The following TSNAX variants were observed in gnomAD, a reference collection of about 807,000 sequenced individuals.
TSNAX encodes translin associated factor X.
In TSNAX, 12 loss-of-function variants were observed where a neutral mutation model predicts 33.0. That is an observed-to-expected ratio of 0.36 (90% CI 0.23 to 0.59). The LOEUF (loss-of-function observed/expected upper bound fraction) is 0.59, where lower values mean the gene tolerates loss of function less well. TSNAX is among the 20% of genes least tolerant of loss of function. TSNAX has a pLI of 0.74. For synonymous variants in TSNAX, 110 were observed against 117.2 expected, an observed-to-expected ratio of 0.94 and a Z score of 0.40; for missense variants, 267 against 341.3, an observed-to-expected ratio of 0.78 and a Z score of 1.72.
At chr1:231,540,547 G>A (rs1409544512) in intron 3 of TSNAX, among the ~76,000 whole-genome samples, 2 of 152,182 alleles carry the variant, frequency 1.3e-5, no homozygotes, top group South Asian at 2.1e-4. Flanking sequence ...AATTTATGGA[G>A]CCTTAATTTT....
At chr1:231,532,459 C>G (rs1157743617) in intron 2 of TSNAX, among the ~76,000 whole-genome samples, 1 of 151,946 alleles carries the variant, frequency 6.6e-6, no homozygotes, top group Non-Finnish European at 1.5e-5. Context: ...TCCCAAAGTG[C>G]TGGGGTTACA....
intron 4 of TSNAX, among the ~76,000 whole-genome samples, chr1:231,545,658 T>C (rs1572121881): frequency 6.6e-6 from 1 of 152,160 alleles, no homozygotes; most frequent in Non-Finnish European, 1.5e-5. Context: ...TCACTGATAA[T>C]GATAAGAATT....
chr1:231,538,478 T>G (rs1659339285), intron 3 of TSNAX, among the ~76,000 whole-genome samples: 1 of 152,222 alleles, frequency 6.6e-6, no homozygotes, highest in African/African-American at 2.4e-5. Flanking sequence ...CTTTGTTTGC[T>G]TCATAATTCA....
chr1:231,559,910 T>TA (rs11369188), intron 4 of TSNAX, among the ~76,000 whole-genome samples: 1,980 of 151,718 alleles, frequency 0.013, 37 homozygotes, highest in African/African-American at 0.045. Flanking sequence ...TTTTGACACT[T>TA]ACCTACATTA....
intron 3 of TSNAX, among the ~76,000 whole-genome samples, chr1:231,540,982 C>T (rs1659538188): frequency 6.6e-6 from 1 of 152,006 alleles, no homozygotes; most frequent in South Asian, 2.1e-4. Flanking sequence ...TATTTTTAAT[C>T]TATTTGTGTT....
chr1:231,558,199 C>T (rs992161737), intron 4 of TSNAX, among the ~76,000 whole-genome samples: 1 of 152,064 alleles, frequency 6.6e-6, no homozygotes, highest in African/African-American at 2.4e-5. Context: ...GAAAGGAATT[C>T]CCTGCCCAAG....
intron 5 of TSNAX, among the ~76,000 whole-genome samples, chr1:231,562,746 C>T (rs1169966264): frequency 6.6e-6 from 1 of 152,044 alleles, no homozygotes; most frequent in Non-Finnish European, 1.5e-5. Context: ...AGTTTTAGTG[C>T]TAAAGATGCT....
At chr1:231,528,960 C>T (rs1267209772) in intron 1 of TSNAX, 134 bp downstream of exon 1, 18 of 1,220,890 alleles carry the variant, frequency 1.5e-5, no homozygotes, top group Non-Finnish European at 2.1e-5. Context: ...CCCTCTGTTT[C>T]TCTCCCCGGC....
chr1:231,552,479 A>G (rs1246566752), intron 4 of TSNAX, among the ~76,000 whole-genome samples: 1 of 152,298 alleles, frequency 6.6e-6, no homozygotes, highest in South Asian at 2.1e-4. Context: ...TGTGAATCCA[A>G]TATAAATCTG....
In TSNAX at chr1:231,537,288, A is replaced by T. The variant is rs1239568408; in HGVS notation, c.197A>T (p.Glu66Val). ...LVKLSRDITV[E>V]SKRTIFLLHR... is the part of the protein sequence containing the mutation. Reference sequence around the variant, plus strand: ...AAACTTAGTCGGGATATAACTGTTGAAAGTAAAAGGACAATTTTTCTCCTC... The same window carrying T: ...AAACTTAGTCGGGATATAACTGTTGTAAGTAAAAGGACAATTTTTCTCCTC... Residue 66 changes from glutamate to valine, a missense_variant, in exon 3 of 6, where the codon GAA becomes GTA. Glu to Val is a moderately radical substitution (Grantham distance 121, BLOSUM62 -2). This residue lies in a region of TSNAX where 200 missense variants were observed against 214.1 expected (regional missense o/e 0.93). Coordinates refer to ENST00000366639, the MANE Select transcript of TSNAX (RefSeq NM_005999.3). 1 of 1,613,652 alleles carries T rather than the reference A, an allele frequency of 6.2e-7. No homozygotes were observed.
intron 4 of TSNAX, among the ~76,000 whole-genome samples, chr1:231,549,941 C>CA (rs1660188934): frequency 6.6e-6 from 1 of 152,170 alleles, no homozygotes; most frequent in South Asian, 2.1e-4. Context: ...GAGGTGTTGG[C>CA]AAATTTGATG....
In TSNAX at chr1:231,542,511, A is replaced by G. The variant is rs749218189; in HGVS notation, c.267A>G (p.Glu89=). 1 of 1,614,038 alleles carries G rather than the reference A, an allele frequency of 6.2e-7. No homozygotes were observed. The highest frequency in any genetic ancestry group is 1.1e-5 in the South Asian group (1 of 91,078). ...SAPDMEDILT[E]SEIKLDGVRQ... Reference sequence around the variant, plus strand: ...CTGATATGGAAGATATATTGACTGAATCAGAAATTAAATTGGATGGTGTCA... The same window carrying G: ...CTGATATGGAAGATATATTGACTGAGTCAGAAATTAAATTGGATGGTGTCA... Residue 89 remains glutamate (E), a synonymous_variant, in exon 4 of 6, where the codon GAA becomes GAG. Transcript: ENST00000366639.
intron 4 of TSNAX, among the ~76,000 whole-genome samples, chr1:231,558,129 A>G (rs532112431): frequency 6.6e-6 from 1 of 152,134 alleles, no homozygotes; most frequent in East Asian, 1.9e-4. Context: ...TGGCAGAGAC[A>G]TTTGCTGAGC....
intron 4 of TSNAX, among the ~76,000 whole-genome samples, chr1:231,560,363 T>G (rs1002723173): frequency 6.6e-6 from 1 of 151,434 alleles, no homozygotes; most frequent in Admixed American, 6.6e-5. Context: ...TTATATAATT[T>G]TTATTAAAGC....
chr1:231,552,124 C>T (rs1220877790), intron 4 of TSNAX, among the ~76,000 whole-genome samples: 1 of 152,038 alleles, frequency 6.6e-6, no homozygotes, highest in Non-Finnish European at 1.5e-5. Context: ...GATGAAACCC[C>T]GTCTACAAAA....
At chr1:231,531,238 G>A (rs1214002745) in intron 2 of TSNAX, among the ~76,000 whole-genome samples, 1 of 152,084 alleles carries the variant, frequency 6.6e-6, no homozygotes, top group African/African-American at 2.4e-5. Context: ...GATTACAGGC[G>A]TGAGCCACTG....
At chr1:231,553,696 T>TC (rs1660494902) in intron 4 of TSNAX, among the ~76,000 whole-genome samples, 1 of 151,250 alleles carries the variant, frequency 6.6e-6, no homozygotes, top group Admixed American at 6.6e-5. Context: ...TTTTTTTTTT[T>TC]TTTCTTTGAG....
rs1419081415 is a variant in TSNAX, at chr1:231,528,674, C to T, written c.-137C>T. On this transcript the variant is annotated 5_prime_UTR_variant, in exon 1 of 6. Coordinates refer to ENST00000366639, the MANE Select transcript of TSNAX (RefSeq NM_005999.3). ...AAGTACGTGAGAGGAGACTTCCGGC[C>T]ACTGCGTTGTAGTCGGCCCGGCTGC... 6.3e-6 allele frequency: 6 copies of T among 947,464 alleles called. No individual in the cohort carries two copies. The highest frequency in any genetic ancestry group is 1.6e-5 in the African/African-American group (1 of 60,988). 58.7% of individuals were successfully genotyped at this position (947,464 alleles called of 1,614,324 possible).
intron 4 of TSNAX, among the ~76,000 whole-genome samples, chr1:231,550,474 TTC>T (rs1660226665): frequency 1.3e-5 from 2 of 152,224 alleles, no homozygotes; most frequent in Non-Finnish European, 2.9e-5. Context: ...GCAGAGCATA[TTC>T]TCTCAGGCTG....
Sources: allele counts gnomAD v4.1 joint callset (sites outside exome capture counted in the v4.1 genomes callset), GRCh38; gene constraint gnomAD v4.1.1; regional missense constraint gnomAD v4.1.1; transcripts MANE v1.5; gene names NCBI Gene and HGNC (gene_info 2026-07-23, HGNC 2026-07-21).